Variants in CTNNA2 observed in about 807,000 individuals in gnomAD.
CTNNA2 encodes the protein catenin alpha-2.
In CTNNA2, 42 loss-of-function variants were observed where a neutral mutation model predicts 101.0. The observed-to-expected ratio is 0.42, with a 90% CI of 0.32 to 0.54. CTNNA2 has a LOEUF of 0.54. Ranked by LOEUF, CTNNA2 falls within the 20% of genes least tolerant of loss-of-function variation. The pLI, the probability that CTNNA2 is intolerant of heterozygous loss-of-function variation, is 0.14. For missense variants in CTNNA2, 871 were observed against 1,223.1 expected (o/e 0.71, Z 4.29); for synonymous variants, 450 against 456.4 (o/e 0.99, Z 0.18).
intron 2 of CTNNA2, among the ~76,000 whole-genome samples, chr2:79,661,174 T>C (rs1324480084): frequency 2.0e-5 from 3 of 152,144 alleles, no homozygotes; most frequent in Non-Finnish European, 4.4e-5. Context: ...CATGGTATCA[T>C]TGCACTCTGT....
At chr2:80,004,343 A>G (rs560737) in intron 7 of CTNNA2, among the ~76,000 whole-genome samples, 85,263 of 151,936 alleles carry the variant, frequency 0.56, 24,686 homozygotes, top group East Asian at 0.76. Flanking sequence ...GCCTAGAGTA[A>G]GGTTAGTGGA....
At chr2:79,470,800 A>T (rs1321694400) in intron 4 of CTNNA2, among the ~76,000 whole-genome samples, 2 of 152,200 alleles carry the variant, frequency 1.3e-5, no homozygotes, top group African/African-American at 4.8e-5. Flanking sequence ...CACTGTTTGT[A>T]TAACTAACTT....
intron 7 of CTNNA2, among the ~76,000 whole-genome samples, chr2:80,017,241 CTAAAA>C (rs1231381875): frequency 6.6e-6 from 1 of 151,950 alleles, no homozygotes; most frequent in Admixed American, 6.6e-5. Context: ...GCCTCAGTAT[CTAAAA>C]TAATACCTGG....
chr2:80,594,939 T>C (rs1696822444), intron 15 of CTNNA2, among the ~76,000 whole-genome samples: 2 of 152,130 alleles, frequency 1.3e-5, no homozygotes, highest in Admixed American at 6.5e-5. Flanking sequence ...TCAAAAATTG[T>C]GAGGTCTCCA....
chr2:79,295,964 G>A (rs1189190399), intron 2 of CTNNA2, among the ~76,000 whole-genome samples: 1 of 150,802 alleles, frequency 6.6e-6, no homozygotes, highest in African/African-American at 2.4e-5. Context: ...CAAAATTGTG[G>A]GGAAATTTTG....
intron 4 of CTNNA2, chr2:79,499,253 C>T (rs188109140): frequency 6.6e-6 from 1 of 152,004 alleles, no homozygotes; most frequent in Non-Finnish European, 1.5e-5. Context: ...CTGCAAGTAA[C>T]AGAAAACCAG....
At chr2:79,305,766 C>T (rs1176787059) in intron 2 of CTNNA2, among the ~76,000 whole-genome samples, 1 of 152,058 alleles carries the variant, frequency 6.6e-6, no homozygotes, top group Non-Finnish European at 1.5e-5. Context: ...AGGCACTTGG[C>T]CGGGTGCGGT....
chr2:79,966,083 A>G (rs922682637), intron 7 of CTNNA2, among the ~76,000 whole-genome samples: 2 of 151,916 alleles, frequency 1.3e-5, no homozygotes, highest in Admixed American at 1.3e-4. Context: ...TCATTTTTCT[A>G]TGGTGAGTTT....
At chr2:80,332,326 T>C (rs1671410318) in intron 7 of CTNNA2, among the ~76,000 whole-genome samples, 1 of 152,182 alleles carries the variant, frequency 6.6e-6, no homozygotes, top group African/African-American at 2.4e-5. Flanking sequence ...GCTGGCAGCC[T>C]CTGGATCTTT....
chr2:79,496,759 A>G (rs1671260807), intron 4 of CTNNA2, among the ~76,000 whole-genome samples: 1 of 151,916 alleles, frequency 6.6e-6, no homozygotes, highest in Admixed American at 6.6e-5. Context: ...TGAACTATAC[A>G]TAGAAGGAGA....
chr2:80,344,029 C>T (rs1256184057), intron 7 of CTNNA2, among the ~76,000 whole-genome samples: 1 of 152,152 alleles, frequency 6.6e-6, no homozygotes, highest in Non-Finnish European at 1.5e-5. Context: ...CCTCTCCAAT[C>T]AGGCTTTTAG....
chr2:80,555,839 G>T lies in CTNNA2; in HGVS notation c.1687G>T (p.Ala563Ser), dbSNP rs1434856000. Reference sequence around the variant, plus strand: ...CAATGCTGAGATGGAGAACTATGAAGCTGGGGTTTATACTGAGAAGGTGTT... The same window carrying T: ...CAATGCTGAGATGGAGAACTATGAATCTGGGGTTTATACTGAGAAGGTGTT... ...IINAEMENYE[A>S]GVYTEKVLEA... Residue 563 changes from alanine (A) to serine (S), a missense_variant, in exon 12 of 19, where the codon GCT becomes TCT. Transcript: ENST00000402739. 1 of 1,594,492 alleles carries T rather than the reference G, an allele frequency of 6.3e-7. No individual in the cohort carries two copies.
chr2:80,213,415 C>G (rs983517256), intron 7 of CTNNA2, among the ~76,000 whole-genome samples: 4 of 152,122 alleles, frequency 2.6e-5, no homozygotes, highest in African/African-American at 9.7e-5. Flanking sequence ...TATGTTGTGT[C>G]TTTGTTCTTA....
chr2:79,621,187 G>A (rs920914762), intron 1 of CTNNA2, among the ~76,000 whole-genome samples: 3 of 152,266 alleles, frequency 2.0e-5, no homozygotes, highest in South Asian at 2.1e-4. Context: ...TGCTTTAGAC[G>A]TGTATATATG....
At chr2:79,822,347 T>C (rs1678080287) in intron 3 of CTNNA2, among the ~76,000 whole-genome samples, 1 of 152,214 alleles carries the variant, frequency 6.6e-6, no homozygotes, top group Admixed American at 6.5e-5. Flanking sequence ...GCTGCCAAGT[T>C]AGTCCAGTGG....
rs1416383346 is a variant in CTNNA2, at chr2:79,190,635, G to T, written c.-524+5204G>T. On this transcript the variant is annotated intron_variant, in intron 1 of 21. Transcript: ENST00000466387. ...TGGCTTAGTAGCCACACCTGGAGAGGAAGCAAACATTCACAGGCCACCAAC... is the reference window on the plus strand; with the variant it reads ...TGGCTTAGTAGCCACACCTGGAGAGTAAGCAAACATTCACAGGCCACCAAC... Among the ~76,000 whole-genome samples the T allele has an allele frequency of 2.0e-5, 3 of 152,110 alleles. No individual in the cohort carries two copies. The East Asian group carries it at 5.8e-4, about 29-fold the overall frequency.
At chr2:79,346,359 C>G (rs1372248714) in intron 3 of CTNNA2, among the ~76,000 whole-genome samples, 11 of 152,084 alleles carry the variant, frequency 7.2e-5, no homozygotes, top group Admixed American at 6.6e-5. Flanking sequence ...TTTTCTGAAC[C>G]TAACTCTTCA....
chr2:80,134,940 G>A (rs1310874945), intron 7 of CTNNA2, among the ~76,000 whole-genome samples: 1 of 152,104 alleles, frequency 6.6e-6, no homozygotes, highest in Non-Finnish European at 1.5e-5. Flanking sequence ...TATTGTTATG[G>A]TGGTGTTATT....
intron 7 of CTNNA2, among the ~76,000 whole-genome samples, chr2:80,139,460 A>G (rs1287471243): frequency 3.3e-5 from 5 of 151,936 alleles, no homozygotes; most frequent in Non-Finnish European, 7.4e-5. Context: ...TCTGTACATC[A>G]CAACACCAAG....
Sources: allele counts gnomAD v4.1 joint callset (sites outside exome capture counted in the v4.1 genomes callset), GRCh38; gene constraint gnomAD v4.1.1; transcripts MANE v1.5; gene names NCBI Gene and HGNC (gene_info 2026-07-23, HGNC 2026-07-21).